TBC1D13: variants seen among roughly 807,000 people sequenced by gnomAD.
TBC1D13 encodes the protein TBC1 domain family member 13.
In TBC1D13, 40 loss-of-function variants were observed where a neutral mutation model predicts 53.6. The observed-to-expected ratio is 0.75, with a 90% CI of 0.58 to 0.97. The LOEUF (loss-of-function observed/expected upper bound fraction) is 0.97, where lower values mean the gene tolerates loss of function less well. Among genes scored for constraint, TBC1D13 ranks in the 50% least tolerant of loss-of-function variants. TBC1D13 has a pLI of 0.00. For missense variants in TBC1D13, 377 were observed against 499.4 expected, an observed-to-expected ratio of 0.75 and a Z score of 2.34; for synonymous variants, 182 against 197.7, an observed-to-expected ratio of 0.92 and a Z score of 0.67.
At position 128,795,504 on chromosome 9, in the gene TBC1D13, A is replaced by G. The variant is rs1829614242; in HGVS notation, c.384-1551A>G. 3.6e-5 allele frequency among the ~76,000 whole-genome samples: 4 copies of G among 110,256 alleles called. 1 individual carries two copies. The South Asian group carries it at 1.3e-3, about 36-fold the overall frequency. 72.3% of individuals were successfully genotyped at this position (110,256 alleles called of 152,430 possible). A position where few individuals can be genotyped will look rare whatever the true frequency, so the allele number is the denominator to read the frequency against. ...GGGAAGGAGTCTCACTCTGTCACCC[A>G]GGCTGGAGTGCGGTGGCACGATCTT... is the stretch of plus-strand genomic sequence containing the variant. On this transcript the variant is annotated intron_variant, in intron 6 of 11. Transcript: ENST00000372648.
At position 128,792,527 on chromosome 9, in the gene TBC1D13, G is replaced by C; in HGVS notation, c.336G>C (p.Thr112=). The part of the protein sequence containing the change: ...LNPNPDSRWN[T]YFKDNEVLLQ... ...CCAACCCTGACAGCCGGTGGAACAC[G>C]TACTTCAAGGACAACGAGGTGCTGC... Residue 112 remains threonine, a synonymous_variant, in exon 6 of 12, where the codon ACG becomes ACC. Coordinates refer to ENST00000372648, the MANE Select transcript of TBC1D13 (RefSeq NM_018201.5). 1 of 1,614,134 alleles carries C rather than the reference G, an allele frequency of 6.2e-7. No homozygotes were observed. Among genetic ancestry groups the C allele is most frequent in the Non-Finnish European group, 8.5e-7 (1 of 1,179,998 alleles).
chr9:128,795,366 C>T (rs879310468), intron 6 of TBC1D13, among the ~76,000 whole-genome samples: 1 of 150,232 alleles, frequency 6.7e-6, no homozygotes, highest in Admixed American at 6.6e-5. Flanking sequence ...GCACATGCCA[C>T]CACACCTGGC....
At chr9:128,806,408 A>G (rs1418065683) in intron 11 of TBC1D13, 97 bp downstream of exon 11, 8 of 1,410,632 alleles carry the variant, frequency 5.7e-6, no homozygotes, top group Non-Finnish European at 7.0e-6. Flanking sequence ...GGGCAGGGGC[A>G]GCGGAGTGTA....
intron 2 of TBC1D13, among the ~76,000 whole-genome samples, 177 bp from the exon 3 acceptor site, chr9:128,790,558 A>G (rs1829512586): frequency 6.6e-6 from 1 of 152,224 alleles, no homozygotes; most frequent in Admixed American, 6.5e-5. Context: ...TAGGTGTTAG[A>G]GGGAGACTCC....
chr9:128,792,679 G>A (rs1829556731), intron 6 of TBC1D13, 105 bp downstream of exon 6: 8 of 1,022,112 alleles, frequency 7.8e-6, no homozygotes, highest in South Asian at 1.4e-5. Context: ...GAGTGTTTGC[G>A]GAGCTGCTGG....
chr9:128,787,263 C>A lies in TBC1D13; in HGVS notation c.-91C>A. 8.1e-7 allele frequency: 1 copy of A among 1,229,380 alleles called. No homozygotes were observed. The highest frequency in any genetic ancestry group is 1.0e-6 in the Non-Finnish European group (1 of 971,802). The allele number at this position is 1,229,380 out of a possible 1,614,324, so 76.2% of individuals were successfully genotyped here. A position where few individuals can be genotyped will look rare whatever the true frequency, so the allele number is the denominator to read the frequency against. On this transcript the variant is annotated 5_prime_UTR_variant, in exon 1 of 12. Transcript: ENST00000372648. ...CCGCCGGAGGCTTTTGCGCAGAGCC[C>A]CGCGTCCCTGGGGGGCGGCGGCGGC...
intron 7 of TBC1D13, among the ~76,000 whole-genome samples, chr9:128,800,263 T>C (rs1175717637): frequency 6.6e-6 from 1 of 152,090 alleles, no homozygotes; most frequent in Non-Finnish European, 1.5e-5. Context: ...CAGCACTTGA[T>C]TTACAAAGTT....
At chr9:128,801,835 TACTGCAAACTC>T (rs1829740621) in intron 7 of TBC1D13, among the ~76,000 whole-genome samples, 1 of 151,362 alleles carries the variant, frequency 6.6e-6, no homozygotes, top group African/African-American at 2.4e-5. Context: ...GATCTCCACT[TACTGCAAACTC>T]CGCCTCCTGG....
rs1829645327 is a variant in TBC1D13, at chr9:128,797,153, G to A, written c.482G>A (p.Arg161Lys). ...PQNEFETLRK[R>K]VEQTTLKSQT... ...AATGAGTTTGAAACCCTTCGTAAGA[G>A]AGTGGAACAGACAACACTGAAATCT... Residue 161 changes from arginine (R) to lysine (K), a missense_variant, in exon 7 of 12, where the codon AGA (arginine) becomes AAA (lysine). Arg to Lys is a conservative substitution (Grantham distance 26, BLOSUM62 2). Transcript: ENST00000372648. 1 of 1,614,154 alleles carries A rather than the reference G, an allele frequency of 6.2e-7. No individual in the cohort carries two copies. Among genetic ancestry groups the A allele is most frequent in the Non-Finnish European group, 8.5e-7 (1 of 1,180,034 alleles).
At chr9:128,806,159 C>A (rs1004226541) in intron 10 of TBC1D13, 95 bp from the exon 11 acceptor site, 41 of 1,602,622 alleles carry the variant, frequency 2.6e-5, no homozygotes, top group Non-Finnish European at 3.2e-5. Context: ...GGGAGGGCGA[C>A]AAACCAAACT....
chr9:128,790,330 T>C (rs895512101), intron 2 of TBC1D13, among the ~76,000 whole-genome samples: 5 of 150,138 alleles, frequency 3.3e-5, no homozygotes, highest in Admixed American at 6.7e-5. Flanking sequence ...TCCTAACAGT[T>C]TGGGAGGCCG....
At chr9:128,790,631 G>C in intron 2 of TBC1D13, 104 bp from the exon 3 acceptor site, 1 of 1,030,516 alleles carries the variant, frequency 9.7e-7, no homozygotes, top group South Asian at 1.8e-5. Context: ...TCTTGAAGAA[G>C]TACTTCTTGC....
Position 128,807,826 on chromosome 9 carries a change from ACAGATGTCTGC to A in TBC1D13, c.1156_1166del (p.Val386ProfsTer36), listed in dbSNP as rs1299478221. 6.2e-7 allele frequency: 1 copy of A among 1,614,178 alleles called. No homozygotes were observed. Among genetic ancestry groups the A allele is most frequent in the Admixed American group, 1.7e-5 (1 of 60,034 alleles). On this transcript the variant is annotated frameshift_variant, in exon 12 of 12. Transcript: ENST00000372648. LOFTEE classifies it high-confidence loss of function. The stretch of plus-strand genomic sequence containing the variant: ...TTCCTGTGCCCAGGACTACCCCATC[ACAGATGTCTGC>A]CAGATCCTGCAGAAAGCCAAGGAGC...
intron 3 of TBC1D13, 117 bp downstream of exon 3, chr9:128,790,892 G>A (rs1224336987): frequency 2.6e-6 from 3 of 1,133,996 alleles, no homozygotes; most frequent in Non-Finnish European, 3.7e-6. Context: ...GCTTGTCTGA[G>A]GGAGCTTTTC....
intron 6 of TBC1D13, 70 bp from the exon 7 acceptor site, chr9:128,796,985 C>T: frequency 6.4e-7 from 1 of 1,561,614 alleles, no homozygotes; most frequent in Non-Finnish European, 8.8e-7. Flanking sequence ...GTCTTGGGGT[C>T]TCCTGGCAGA....
chr9:128,795,538 G>A (rs549837385), intron 6 of TBC1D13, among the ~76,000 whole-genome samples: 2 of 118,826 alleles, frequency 1.7e-5, no homozygotes, highest in Admixed American at 2.4e-4. Context: ...TTGGCTCACT[G>A]CAAGCTCCGC....
At position 128,797,181 on chromosome 9, in the gene TBC1D13, G is replaced by A; in HGVS notation, c.510G>A (p.Gln170=). Residue 170 remains glutamine (Q), a synonymous_variant, in exon 7 of 12, where the codon CAG becomes CAA. Transcript: ENST00000372648. ...TGGAACAGACAACACTGAAATCTCA[G>A]ACGGTGGCCCGGAACCGGAGTGGGG... The part of the protein sequence containing the change: ...KRVEQTTLKS[Q]TVARNRSGVT... 6.2e-7 allele frequency: 1 copy of A among 1,614,102 alleles called. No homozygotes were observed. Among genetic ancestry groups the A allele is most frequent in the Non-Finnish European group, 8.5e-7 (1 of 1,180,004 alleles).
At chr9:128,795,599 T>C (rs1320819634) in intron 6 of TBC1D13, among the ~76,000 whole-genome samples, 2 of 151,958 alleles carry the variant, frequency 1.3e-5, no homozygotes, top group Non-Finnish European at 2.9e-5. Context: ...TAGCTGGGAC[T>C]ACAGGTGCCC....
intron 7 of TBC1D13, among the ~76,000 whole-genome samples, chr9:128,798,084 C>G (rs544603763): frequency 6.6e-5 from 10 of 152,040 alleles, no homozygotes; most frequent in Admixed American, 2.6e-4. Flanking sequence ...GAAACCTTGT[C>G]TCTACTAAAA....
Sources: gnomAD v4.1 joint callset for allele counts (sites outside exome capture counted in the v4.1 genomes callset) on GRCh38, gnomAD v4.1.1 for gene constraint, MANE v1.5 for transcripts, NCBI Gene and HGNC (gene_info 2026-07-23, HGNC 2026-07-21) for gene names.